The following SGCZ variants were observed in gnomAD, a reference collection of about 807,000 sequenced individuals.
SGCZ encodes zeta-sarcoglycan.
In SGCZ, 40 loss-of-function variants were observed where a neutral mutation model predicts 41.3. That is an observed-to-expected ratio of 0.97 (90% CI 0.75 to 1.26). SGCZ has a LOEUF of 1.26. SGCZ is among the 50% of genes most tolerant of loss of function. SGCZ has a pLI of 0.00. For synonymous variants in SGCZ, 206 were observed against 137.5 expected (o/e 1.50, Z -3.49); for missense variants, 552 against 369.8 (o/e 1.49, Z -4.04).
chr8:15,011,370 G>A (rs958777455), intron 1 of SGCZ, among the ~76,000 whole-genome samples: 2 of 151,930 alleles, frequency 1.3e-5, no homozygotes, highest in Admixed American at 6.6e-5. Context: ...GCATCCTCAC[G>A]GTTTTGTTTG....
chr8:14,419,350 T>A (rs1310589193), intron 2 of SGCZ, among the ~76,000 whole-genome samples: 1 of 151,938 alleles, frequency 6.6e-6, no homozygotes, highest in African/African-American at 2.4e-5. Flanking sequence ...AACTTAAGAA[T>A]TTACGTCTTT....
intron 1 of SGCZ, among the ~76,000 whole-genome samples, chr8:14,800,649 T>C (rs948401063): frequency 6.6e-6 from 1 of 152,094 alleles, no homozygotes; most frequent in Non-Finnish European, 1.5e-5. Context: ...TCTCTCTTTC[T>C]CTCCTTCTGC....
intron 1 of SGCZ, among the ~76,000 whole-genome samples, chr8:14,711,060 A>G (rs2117624002): frequency 6.6e-6 from 1 of 152,296 alleles, no homozygotes; most frequent in East Asian, 1.9e-4. Flanking sequence ...TGTTCAAATT[A>G]ATTAAGATGG....
chr8:14,446,667 A>G (rs1311066483), intron 2 of SGCZ, among the ~76,000 whole-genome samples: 2 of 152,204 alleles, frequency 1.3e-5, no homozygotes, highest in Non-Finnish European at 2.9e-5. Flanking sequence ...AAAATCCTGT[A>G]TAAGGTTTAT....
At chr8:14,998,042 C>T (rs1029825383) in intron 1 of SGCZ, among the ~76,000 whole-genome samples, 1 of 152,150 alleles carries the variant, frequency 6.6e-6, no homozygotes, top group African/African-American at 2.4e-5. Flanking sequence ...GTGTTCCTCC[C>T]TTTTGTCAGA....
intron 2 of SGCZ, among the ~76,000 whole-genome samples, chr8:14,505,566 A>C (rs528085467): frequency 6.6e-6 from 1 of 152,248 alleles, no homozygotes; most frequent in Admixed American, 6.5e-5. Context: ...TCAGCTTTGT[A>C]TCTTTCTAGG....
chr8:14,415,791 C>T lies in SGCZ; in HGVS notation c.235-91587G>A, dbSNP rs1252075916. Among the ~76,000 whole-genome samples, 4 of 151,892 alleles carry T rather than the reference C, an allele frequency of 2.6e-5. No homozygotes were observed. The East Asian group carries it at 5.8e-4, about 22-fold the overall frequency. ...AATTTGTGACAGCAACGAAAGTGTG[C>T]ATGAAATTGGCTCACACTACATATT... On this transcript the variant is annotated intron_variant, in intron 2 of 7. Coordinates refer to ENST00000382080, the MANE Select transcript of SGCZ (RefSeq NM_139167.4).
intron 1 of SGCZ, among the ~76,000 whole-genome samples, chr8:14,962,781 C>T (rs192882374): frequency 6.6e-6 from 1 of 152,202 alleles, no homozygotes; most frequent in East Asian, 1.9e-4. Context: ...TGCACTTGGG[C>T]AAGTGTCCCG....
intron 3 of SGCZ, among the ~76,000 whole-genome samples, chr8:14,243,855 CGTT>C (rs1212856660): frequency 3.3e-5 from 5 of 152,152 alleles, no homozygotes; most frequent in Admixed American, 2.6e-4. Context: ...TCACAGTACT[CGTT>C]GTAGGCTTTT....
At chr8:14,465,991 G>A (rs991272457) in intron 2 of SGCZ, among the ~76,000 whole-genome samples, 6 of 151,820 alleles carry the variant, frequency 4.0e-5, no homozygotes, top group Non-Finnish European at 7.4e-5. Flanking sequence ...AAACAGTAGA[G>A]TTATAAAATA....
intron 1 of SGCZ, among the ~76,000 whole-genome samples, chr8:14,588,467 A>G (rs1805133435): frequency 6.6e-6 from 1 of 152,188 alleles, no homozygotes; most frequent in African/African-American, 2.4e-5. Context: ...AATAATCAGA[A>G]TAAACAATAA....
chr8:14,756,114 G>A (rs1009797726), intron 1 of SGCZ, among the ~76,000 whole-genome samples: 1 of 151,836 alleles, frequency 6.6e-6, no homozygotes, highest in Non-Finnish European at 1.5e-5. Flanking sequence ...CAATATTGTA[G>A]AGAAATAAAG....
At chr8:14,368,225 C>T (rs978390933) in intron 2 of SGCZ, among the ~76,000 whole-genome samples, 2 of 151,858 alleles carry the variant, frequency 1.3e-5, no homozygotes, top group African/African-American at 4.8e-5. Flanking sequence ...GAGTGTATTT[C>T]AATAAAATGG....
intron 1 of SGCZ, among the ~76,000 whole-genome samples, chr8:15,059,473 A>G (rs1804837280): frequency 6.6e-6 from 1 of 152,216 alleles, no homozygotes; most frequent in Non-Finnish European, 1.5e-5. Context: ...TTTCTTTTAG[A>G]TCCTCCATAA....
intron 3 of SGCZ, among the ~76,000 whole-genome samples, chr8:14,279,838 A>T (rs551101357): frequency 1.3e-5 from 2 of 149,826 alleles, no homozygotes; most frequent in African/African-American, 4.9e-5. Context: ...TTCATGCTCC[A>T]TTTTTTTTTT....
chr8:14,677,388 C>T (rs557307796), intron 1 of SGCZ, among the ~76,000 whole-genome samples: 3 of 152,206 alleles, frequency 2.0e-5, no homozygotes, highest in Admixed American at 1.3e-4. Context: ...CAACTTGATT[C>T]ATAGATATAA....
At chr8:14,202,773 C>T (rs969201389) in intron 4 of SGCZ, among the ~76,000 whole-genome samples, 1 of 152,170 alleles carries the variant, frequency 6.6e-6, no homozygotes, top group African/African-American at 2.4e-5. Flanking sequence ...ACAGATCTCT[C>T]CTGACACATT....
intron 2 of SGCZ, among the ~76,000 whole-genome samples, chr8:14,554,244 C>T (rs1274777643): frequency 1.3e-5 from 2 of 151,986 alleles, no homozygotes; most frequent in Non-Finnish European, 2.9e-5. Context: ...CAATGTACTT[C>T]AGGAGAAATT....
intron 2 of SGCZ, among the ~76,000 whole-genome samples, chr8:14,464,704 T>C (rs1369452628): frequency 6.6e-6 from 1 of 151,608 alleles, no homozygotes; most frequent in Non-Finnish European, 1.5e-5. Flanking sequence ...ACTTGAAACA[T>C]ATTTTGTCTT....
Sources: allele counts gnomAD v4.1 joint callset (sites outside exome capture counted in the v4.1 genomes callset), GRCh38; gene constraint gnomAD v4.1.1; transcripts MANE v1.5; gene names NCBI Gene and HGNC (gene_info 2026-07-23, HGNC 2026-07-21).